PVR: variants seen among roughly 807,000 people sequenced by gnomAD.
PVR encodes the protein poliovirus receptor.
In PVR, 39 loss-of-function variants were observed where a neutral mutation model predicts 43.3. The ratio of observed to expected loss-of-function variants is 0.90; its 90% CI spans 0.70 to 1.18. PVR has a LOEUF of 1.18. Among genes scored for constraint, PVR ranks in the 50% most tolerant of loss-of-function variants. The pLI is 0.00. For synonymous variants in PVR, 224 were observed against 233.2 expected (o/e 0.96, Z 0.36); for missense variants, 480 against 549.7 (o/e 0.87, Z 1.27).
At chr19:44,645,417 AT>A (rs1973085225) in intron 1 of PVR, among the ~76,000 whole-genome samples, 1 of 32,184 alleles carries the variant, frequency 3.1e-5, no homozygotes, top group Admixed American at 4.9e-4. Context: ...TGTTTTGTGT[AT>A]ATATATATAT....
At chr19:44,654,476 G>T (rs1257058026) in intron 4 of PVR, among the ~76,000 whole-genome samples, 1 of 152,212 alleles carries the variant, frequency 6.6e-6, no homozygotes, top group East Asian at 1.9e-4. Flanking sequence ...TTAGCAGGTG[G>T]TTGAATCCTG....
Position 44,658,850 on chromosome 19 carries a change from G to C in PVR, c.1100G>C (p.Trp367Ser), listed in dbSNP as rs1275519875. Reference protein sequence around the residue: ...ILLGIGIYFYWSKCSREVLWH... With the variant: ...ILLGIGIYFYSSKCSREVLWH... Reference sequence around the variant, plus strand: ...CTGGGGATCGGGATTTATTTCTATTGGTCCAAATGTTCCCGTGAGGTCCTT... The same window carrying C: ...CTGGGGATCGGGATTTATTTCTATTCGTCCAAATGTTCCCGTGAGGTCCTT... Residue 367 changes from tryptophan (W) to serine (S), a missense_variant, in exon 6 of 8, where the codon TGG becomes TCG. Physicochemically the swap from Trp to Ser is radical, Grantham distance 177. Coordinates refer to ENST00000425690, the MANE Select transcript of PVR (RefSeq NM_006505.5). 1 of 1,613,940 alleles carries C rather than the reference G, an allele frequency of 6.2e-7. No homozygotes were observed. Among genetic ancestry groups the C allele is most frequent in the East Asian group, 2.2e-5 (1 of 44,886 alleles).
rs1047291933 is a variant in PVR, at chr19:44,650,026, C to T, written c.645C>T (p.Asp215=). 1.0e-5 allele frequency: 16 copies of T among 1,596,774 alleles called. No homozygotes were observed. Among genetic ancestry groups the T allele is most frequent in the African/African-American group, 5.4e-5 (4 of 74,530 alleles). ...TATTGGTGCCCTCAAGCCAGGTGGA[C>T]GGCAAGAATGTGACCTGCAAGGTGG... is the stretch of plus-strand genomic sequence containing the variant. ...LWILVPSSQV[D]GKNVTCKVEH... Residue 215 remains aspartate (D), a synonymous_variant, in exon 3 of 8, where the codon GAC becomes GAT. Transcript: ENST00000425690.
rs149458939 is a variant in PVR, at chr19:44,658,856, A to G, written c.1106A>G (p.Lys369Arg). The G allele has an allele frequency of 4.5e-4, 725 of 1,613,906 alleles. 3 individuals are homozygous for G. Among genetic ancestry groups the G allele is most frequent in the South Asian group, 7.2e-4 (66 of 91,082 alleles). The stretch of plus-strand genomic sequence containing the variant: ...ATCGGGATTTATTTCTATTGGTCCA[A>G]ATGTTCCCGTGAGGTCCTTTGGCAC... ...LGIGIYFYWS[K>R]CSREVLWHCH... is the part of the protein sequence containing the mutation. Residue 369 changes from lysine to arginine, a missense_variant, in exon 6 of 8, where the codon AAA (lysine) becomes AGA (arginine). By Grantham distance (26) the Lys-to-Arg change is conservative. Transcript: ENST00000425690.
intron 5 of PVR, among the ~76,000 whole-genome samples, chr19:44,658,115 C>T (rs917474940): frequency 1.3e-5 from 2 of 152,328 alleles, no homozygotes; most frequent in Non-Finnish European, 2.9e-5. Context: ...TCCACACACA[C>T]AGGTTGGGAT....
chr19:44,655,554 C>T (rs947001558), intron 4 of PVR, among the ~76,000 whole-genome samples: 1 of 152,188 alleles, frequency 6.6e-6, no homozygotes, highest in African/African-American at 2.4e-5. Context: ...TTTTTTCTCT[C>T]TGTTTCTAAA....
At chr19:44,651,734 G>C (rs1386943722) in intron 3 of PVR, among the ~76,000 whole-genome samples, 1 of 152,118 alleles carries the variant, frequency 6.6e-6, no homozygotes, top group Non-Finnish European at 1.5e-5. Flanking sequence ...TGGCATCATC[G>C]ACATTGACAC....
chr19:44,661,509 A>G (rs1206887724), intron 7 of PVR, among the ~76,000 whole-genome samples, 186 bp downstream of exon 7: 1 of 152,118 alleles, frequency 6.6e-6, no homozygotes. Context: ...AGCCCCAGAC[A>G]GTCTGGTCTG....
Position 44,658,702 on chromosome 19 carries a change from A to G in PVR, c.992-40A>G, listed in dbSNP as rs201933056. 23 of 1,534,006 alleles carry G rather than the reference A, an allele frequency of 1.5e-5. No homozygotes were observed. In the East Asian group the frequency reaches 2.7e-4, roughly 18 times the overall value. Reference sequence around the variant, plus strand: ...TTTCAAGAATGAGGGATAAACCCCAAGAGTTTCCTTACCTAAATACCTGTT... The same window carrying G: ...TTTCAAGAATGAGGGATAAACCCCAGGAGTTTCCTTACCTAAATACCTGTT... On this transcript the variant is annotated intron_variant, in intron 5 of 7. Coordinates refer to ENST00000425690, the MANE Select transcript of PVR (RefSeq NM_006505.5).
Position 44,657,859 on chromosome 19 carries a change from G to A in PVR, c.940G>A (p.Val314Ile), listed in dbSNP as rs1294371048. ...KPINTTLICN[V>I]TNALGARQAE... is the part of the protein sequence containing the mutation. ...AATCAACACAACTTTAATCTGCAACGTCACCAATGCCCTAGGAGCTCGCCA... is the reference window on the plus strand; with the variant it reads ...AATCAACACAACTTTAATCTGCAACATCACCAATGCCCTAGGAGCTCGCCA... Residue 314 changes from valine (V) to isoleucine (I), a missense_variant, in exon 5 of 8, where the codon GTC becomes ATC. Physicochemically the swap from Val to Ile is conservative, Grantham distance 29. Coordinates refer to ENST00000425690, the MANE Select transcript of PVR (RefSeq NM_006505.5). 10 of 1,613,830 alleles carry A rather than the reference G, an allele frequency of 6.2e-6. No homozygotes were observed. The highest frequency in any genetic ancestry group is 2.7e-5 in the African/African-American group (2 of 74,904).
In PVR at chr19:44,661,840, CTG is replaced by C; in HGVS notation, c.*30_*31del. The C allele has an allele frequency of 1.2e-6, 2 of 1,606,944 alleles. No individual in the cohort carries two copies. Among genetic ancestry groups the C allele is most frequent in the African/African-American group, 1.3e-5 (1 of 74,906 alleles). On this transcript the variant is annotated 3_prime_UTR_variant, in exon 8 of 8. Transcript: ENST00000425690. ...CGTCGGGACTGAGAGGGGAGAGAGA[CTG>C]GAGCTGGCAAGGACGTGGGCCTCCA...
rs1973705208 is a variant in PVR, at chr19:44,665,922, A to T, written c.*4111A>T. On this transcript the variant is annotated 3_prime_UTR_variant, in exon 8 of 8. Coordinates refer to ENST00000425690, the MANE Select transcript of PVR (RefSeq NM_006505.5). The stretch of plus-strand genomic sequence containing the variant: ...CCGGTCTCATTCACCAGCGCCGCCC[A>T]CCGCTCAACCAATCCCTGGCCAAAA... 6.6e-6 allele frequency: 1 copy of T among 152,240 alleles called. No homozygotes were observed. Among genetic ancestry groups the T allele is most frequent in the African/African-American group, 2.4e-5 (1 of 41,434 alleles). The allele number at this position is 152,240 out of a possible 1,614,324, so 9.4% of individuals were successfully genotyped here.
intron 4 of PVR, among the ~76,000 whole-genome samples, chr19:44,654,422 G>A (rs971159973): frequency 6.6e-6 from 1 of 152,222 alleles, no homozygotes; most frequent in Admixed American, 6.5e-5. Context: ...GCCCCCAGTG[G>A]GGGGCATCTC....
intron 4 of PVR, among the ~76,000 whole-genome samples, chr19:44,655,785 A>C (rs1806019329): frequency 6.7e-6 from 1 of 149,220 alleles, no homozygotes; most frequent in Non-Finnish European, 1.5e-5. Flanking sequence ...TTGCTTTATC[A>C]CGTTTCTGTG....
chr19:44,659,808 C>T (rs1973548131), intron 6 of PVR, among the ~76,000 whole-genome samples: 1 of 152,174 alleles, frequency 6.6e-6, no homozygotes, highest in Non-Finnish European at 1.5e-5. Context: ...ATGCCCACAA[C>T]CACCCAGCAA....
chr19:44,661,938 C>A lies in PVR; in HGVS notation c.*127C>A. 1.2e-4 allele frequency: 98 copies of A among 808,478 alleles called. No individual in the cohort carries two copies. Among genetic ancestry groups the A allele is most frequent in the East Asian group, 1.4e-4 (5 of 36,368 alleles). The allele number at this position is 808,478 out of a possible 1,614,324, so 50.1% of individuals were successfully genotyped here. A position where few individuals can be genotyped will look rare whatever the true frequency, so the allele number is the denominator to read the frequency against. ...CAGCCTCCCTCCCTGTGCCAGACCT[C>A]AAAACGACGGGGGCAGGTGCAAGTT... On this transcript the variant is annotated 3_prime_UTR_variant, in exon 8 of 8. Coordinates refer to ENST00000425690, the MANE Select transcript of PVR (RefSeq NM_006505.5).
At chr19:44,654,691 T>C (rs1044050006) in intron 4 of PVR, among the ~76,000 whole-genome samples, 1 of 152,264 alleles carries the variant, frequency 6.6e-6, no homozygotes, top group Non-Finnish European at 1.5e-5. Context: ...TTGTCTAACC[T>C]GCAGGCCACA....
chr19:44,653,654 G>C, intron 3 of PVR: 1 of 440,832 alleles, frequency 2.3e-6, no homozygotes, highest in Non-Finnish European at 4.2e-6. Flanking sequence ...CCTGGTCCAG[G>C]CTACCCAGGA....
rs1236650201 is a variant in PVR at position 44,650,008 on chromosome 19, G to A, written c.627G>A (p.Val209=). The A allele has an allele frequency of 5.0e-6, 8 of 1,603,904 alleles. No individual in the cohort carries two copies. The highest frequency in any genetic ancestry group is 1.7e-5 in the Admixed American group (1 of 58,822). ...TVTVTSLWIL[V]PSSQVDGKNV... Reference sequence around the variant, plus strand: ...CTGTCACCAGCCTCTGGATATTGGTGCCCTCAAGCCAGGTGGACGGCAAGA... The same window carrying A: ...CTGTCACCAGCCTCTGGATATTGGTACCCTCAAGCCAGGTGGACGGCAAGA... The change falls in exon 3 of 8, where the codon GTG becomes GTA. Residue 209 remains valine, a synonymous_variant. Coordinates refer to ENST00000425690, the MANE Select transcript of PVR (RefSeq NM_006505.5).
Sources: gnomAD v4.1 joint callset for allele counts (sites outside exome capture counted in the v4.1 genomes callset) on GRCh38, gnomAD v4.1.1 for gene constraint, MANE v1.5 for transcripts, NCBI Gene and HGNC (gene_info 2026-07-23, HGNC 2026-07-21) for gene names.